The following FCHSD2 variants were observed in gnomAD, a reference collection of about 807,000 sequenced individuals.
The protein encoded by FCHSD2 is FCH and double SH3 domains 2.
FCHSD2 carries 38 observed loss-of-function variants against 108.1 expected under a neutral mutation model. The observed-to-expected ratio is 0.35, with a 90% confidence interval of 0.27 to 0.46. The LOEUF (loss-of-function observed/expected upper bound fraction) is 0.46, where lower values mean the gene tolerates loss of function less well. Among genes scored for constraint, FCHSD2 ranks in the 20% least tolerant of loss-of-function variants. The probability of loss-of-function intolerance (pLI) is 1.00; values close to 1 mark genes in which losing one functional copy is unlikely to be tolerated. For synonymous variants in FCHSD2, 279 were observed against 314.7 expected (o/e 0.89, Z 1.20); for missense variants, 751 against 897.8 (o/e 0.84, Z 2.09).
At chr11:72,872,900 C>G (rs1444758411) in intron 12 of FCHSD2, among the ~76,000 whole-genome samples, 1 of 152,154 alleles carries the variant, frequency 6.6e-6, no homozygotes, top group African/African-American at 2.4e-5. Context: ...ATCATTTGAT[C>G]CCACCAGTAG....
chr11:72,977,730 C>A (rs894651793), intron 8 of FCHSD2, among the ~76,000 whole-genome samples: 4 of 152,202 alleles, frequency 2.6e-5, no homozygotes, highest in Admixed American at 1.3e-4. Flanking sequence ...GTTGGTGGGA[C>A]TGTAAACTAG....
intron 2 of FCHSD2, among the ~76,000 whole-genome samples, chr11:73,090,947 C>T (rs553104338): frequency 6.6e-6 from 1 of 152,264 alleles, no homozygotes; most frequent in South Asian, 2.1e-4. Context: ...CCTCCCCTGT[C>T]AACTACTAAT....
intron 12 of FCHSD2, chr11:72,869,434 G>A (rs1854803053): frequency 6.6e-6 from 1 of 151,524 alleles, no homozygotes; most frequent in Non-Finnish European, 1.5e-5. Flanking sequence ...GGGTTGGGGG[G>A]AGGGAAGAAG....
At chr11:73,013,859 C>T (rs1236713508) in intron 4 of FCHSD2, among the ~76,000 whole-genome samples, 2 of 152,136 alleles carry the variant, frequency 1.3e-5, no homozygotes, top group African/African-American at 2.4e-5. Context: ...GCAATCCTCC[C>T]ATCTTAGCCT....
intron 9 of FCHSD2, among the ~76,000 whole-genome samples, chr11:72,916,223 G>C (rs1304495412): frequency 2.7e-5 from 4 of 150,064 alleles, no homozygotes; most frequent in African/African-American, 9.8e-5. Flanking sequence ...TAAAATTAAA[G>C]GGAAAAAAAG....
chr11:72,993,902 T>G (rs1007238296), intron 5 of FCHSD2, among the ~76,000 whole-genome samples: 3 of 152,092 alleles, frequency 2.0e-5, no homozygotes, highest in Non-Finnish European at 4.4e-5. Flanking sequence ...AAACTTAAAG[T>G]ATAATAAAAA....
chr11:72,930,719 G>T (rs1017445941), intron 8 of FCHSD2, among the ~76,000 whole-genome samples: 6 of 152,120 alleles, frequency 3.9e-5, no homozygotes, highest in Non-Finnish European at 7.3e-5. Flanking sequence ...CTCCAGCCTG[G>T]GTGACAGGGC....
intron 1 of FCHSD2, 21 bp from the exon 2 acceptor site, chr11:73,140,149 A>C (rs1233489103): frequency 7.2e-7 from 1 of 1,384,162 alleles, no homozygotes; most frequent in Non-Finnish European, 9.9e-7. Context: ...CCATATATTT[A>C]TGAAGGTCTT....
chr11:72,955,998 G>T (rs1044839870), intron 8 of FCHSD2, among the ~76,000 whole-genome samples: 1 of 152,178 alleles, frequency 6.6e-6, no homozygotes, highest in Admixed American at 6.5e-5. Context: ...GGAAACAGGG[G>T]TTCTTGGGGA....
At chr11:73,122,036 T>G (rs888063208) in intron 2 of FCHSD2, among the ~76,000 whole-genome samples, 1 of 152,184 alleles carries the variant, frequency 6.6e-6, no homozygotes, top group African/African-American at 2.4e-5. Context: ...ACTGCAACTA[T>G]GTAAAAACAC....
At chr11:73,028,026 G>C (rs537425530) in intron 3 of FCHSD2, among the ~76,000 whole-genome samples, 4 of 152,374 alleles carry the variant, frequency 2.6e-5, no homozygotes, top group Admixed American at 6.5e-5. Flanking sequence ...TGCAGGGGCA[G>C]AGCCCTCATG....
At chr11:72,872,471 G>A (rs1313729623) in intron 12 of FCHSD2, among the ~76,000 whole-genome samples, 4 of 151,836 alleles carry the variant, frequency 2.6e-5, no homozygotes, top group Non-Finnish European at 4.4e-5. Flanking sequence ...CTGCAGTCTT[G>A]ACAATCACTA....
intron 3 of FCHSD2, among the ~76,000 whole-genome samples, chr11:73,082,751 C>T (rs2135513522): frequency 6.6e-6 from 1 of 152,204 alleles, no homozygotes; most frequent in Admixed American, 6.5e-5. Flanking sequence ...ACAACTTTTA[C>T]AATTTGCAGA....
intron 2 of FCHSD2, among the ~76,000 whole-genome samples, chr11:73,091,672 A>G (rs1481917952): frequency 2.0e-5 from 3 of 152,240 alleles, no homozygotes; most frequent in Non-Finnish European, 2.9e-5. Flanking sequence ...TCATGCTTTC[A>G]TGTTCTAGCA....
chr11:72,842,906 C>T (rs1005331492), intron 16 of FCHSD2, 65 bp from the exon 17 acceptor site: 2 of 1,234,732 alleles, frequency 1.6e-6, no homozygotes, highest in Non-Finnish European at 2.3e-6. Context: ...TGCAACCACC[C>T]CTATGCTCAC....
chr11:73,072,479 C>T (rs1382408571), intron 3 of FCHSD2, among the ~76,000 whole-genome samples: 1 of 151,934 alleles, frequency 6.6e-6, no homozygotes, highest in Admixed American at 6.5e-5. Flanking sequence ...ACTGTACCAA[C>T]TATTTCAGGA....
At chr11:73,139,624 T>C (rs565488161) in intron 2 of FCHSD2, among the ~76,000 whole-genome samples, 2 of 152,320 alleles carry the variant, frequency 1.3e-5, no homozygotes, top group South Asian at 2.1e-4. Context: ...AGTGAGAGCA[T>C]ATAACCATCT....
chr11:73,003,303 T>C (rs1857664712), intron 4 of FCHSD2, among the ~76,000 whole-genome samples: 1 of 152,210 alleles, frequency 6.6e-6, no homozygotes, highest in South Asian at 2.1e-4. Flanking sequence ...CACAGGGCTA[T>C]TTTAAAAATT....
At chr11:73,022,483 A>G (rs1465655318) in intron 3 of FCHSD2, among the ~76,000 whole-genome samples, 3 of 152,244 alleles carry the variant, frequency 2.0e-5, no homozygotes, top group African/African-American at 7.2e-5. Flanking sequence ...GAACAACTGG[A>G]ATTTGAAATT....
Sources: allele counts gnomAD v4.1 joint callset (sites outside exome capture counted in the v4.1 genomes callset), GRCh38; gene constraint gnomAD v4.1.1; transcripts MANE v1.5; gene names NCBI Gene and HGNC (gene_info 2026-07-23, HGNC 2026-07-21).